Variants in HYAL4 observed in about 807,000 individuals in gnomAD.
The protein encoded by HYAL4 is hyaluronidase 4.
A neutral mutation model predicts 35.2 loss-of-function variants in HYAL4; 37 were observed. That is an observed-to-expected ratio of 1.05 (90% confidence interval 0.81 to 1.38). HYAL4 has a LOEUF of 1.38. Among genes scored for constraint, HYAL4 ranks in the 40% most tolerant of loss-of-function variants. The pLI is 0.00. For missense variants in HYAL4, 572 were observed against 572.4 expected (o/e 1.00, Z 0.01); for synonymous variants, 198 against 203.2 (o/e 0.97, Z 0.22).
chr7:123,871,001 AACCTGGT>A (rs1174650193), intron 3 of HYAL4, among the ~76,000 whole-genome samples: 1 of 152,138 alleles, frequency 6.6e-6, no homozygotes, highest in Non-Finnish European at 1.5e-5. Flanking sequence ...ACATTCTGTG[AACCTGGT>A]ATAAGCTTCT....
At chr7:123,799,488 T>C in the HYAL4 span, among the ~76,000 whole-genome samples, 1 of 151,038 alleles carries the variant, frequency 6.6e-6, no homozygotes, top group Non-Finnish European at 1.5e-5. Flanking sequence ...AAATAAAATT[T>C]ATTTTGAAAT....
chr7:123,800,469 T>C, the HYAL4 span, among the ~76,000 whole-genome samples: 13 of 138,570 alleles, frequency 9.4e-5, no homozygotes, highest in African/African-American at 3.2e-4. Context: ...GTGCCCGGCC[T>C]GAAAATTAAA....
chr7:123,770,398 C>A, the HYAL4 span, among the ~76,000 whole-genome samples: 2 of 149,136 alleles, frequency 1.3e-5, no homozygotes, highest in African/African-American at 5.0e-5. Context: ...GCAGAGATCG[C>A]GCCACTGCAC....
intron 4 of HYAL4, among the ~76,000 whole-genome samples, 183 bp from the exon 5 acceptor site, chr7:123,876,571 T>TTA (rs1807030210): frequency 6.6e-6 from 1 of 152,192 alleles, no homozygotes; most frequent in Non-Finnish European, 1.5e-5. Flanking sequence ...GGGACCCTTG[T>TTA]TATAGTGCCC....
At chr7:123,786,019 G>C in the HYAL4 span, among the ~76,000 whole-genome samples, 8 of 152,100 alleles carry the variant, frequency 5.3e-5, no homozygotes, top group Non-Finnish European at 1.0e-4. Flanking sequence ...TCTCTTTTCT[G>C]AGCGTTCTTG....
rs1806969179 is a variant in HYAL4 at position 123,874,804 on chromosome 7, C to A, written c.998C>A (p.Ala333Asp). ...ATAGGAGAAAGTGCTGCCTTGGGAG[C>A]TGCAGGCATTGTTATTTGGGGAGAC... ...STIGESAALG[A>D]AGIVIWGDMN... The change falls in exon 4 of 5, where the codon GCT becomes GAT. Residue 333 changes from alanine (A) to aspartate (D), a missense_variant. Coordinates refer to ENST00000223026, the MANE Select transcript of HYAL4 (RefSeq NM_012269.3). 6.2e-7 allele frequency: 1 copy of A among 1,610,272 alleles called. No individual in the cohort carries two copies. Among genetic ancestry groups the A allele is most frequent in the African/African-American group, 1.3e-5 (1 of 74,830 alleles).
At chr7:123,848,928 A>G (rs1207984935) in intron 2 of HYAL4, among the ~76,000 whole-genome samples, 1 of 152,186 alleles carries the variant, frequency 6.6e-6, no homozygotes, top group Non-Finnish European at 1.5e-5. Flanking sequence ...TTTAGAGATA[A>G]CAGTCATCTG....
the HYAL4 span, among the ~76,000 whole-genome samples, chr7:123,772,342 G>A: frequency 2.6e-5 from 4 of 152,040 alleles, no homozygotes; most frequent in East Asian, 3.9e-4. Flanking sequence ...CTGGGCAACC[G>A]CAACATCCCG....
the HYAL4 span, among the ~76,000 whole-genome samples, chr7:123,799,385 A>G: frequency 6.6e-6 from 1 of 151,484 alleles, no homozygotes; most frequent in East Asian, 1.9e-4. Context: ...TTTTGAAAAT[A>G]TAATACTATG....
chr7:123,837,734 G>A (rs1414160083), intron 1 of HYAL4, among the ~76,000 whole-genome samples: 3 of 128,340 alleles, frequency 2.3e-5, no homozygotes, highest in Non-Finnish European at 3.1e-5. Context: ...TGTTCTCATT[G>A]TTCAATTCCC....
rs1051104277 is a variant in HYAL4, at chr7:123,869,839, C to CG, written c.954+612_954+613insG. On this transcript the variant is annotated intron_variant, in intron 3 of 4. Coordinates refer to ENST00000223026, the MANE Select transcript of HYAL4 (RefSeq NM_012269.3). ...AGTAGCTGGGTTTACAGGTGCTCACCCCCCCCCACCCAGCTAATTTTTGTA... is the reference window on the plus strand; with the variant it reads ...AGTAGCTGGGTTTACAGGTGCTCACCGCCCCCCCACCCAGCTAATTTTTGTA... Among the ~76,000 whole-genome samples the CG allele has an allele frequency of 2.7e-4, 39 of 143,860 alleles. 1 individual carries two copies. Among genetic ancestry groups the CG allele is most frequent in the African/African-American group, 9.5e-4 (37 of 38,942 alleles). The allele number at this position is 143,860 out of a possible 152,430, so 94.4% of individuals were successfully genotyped here. A position where few individuals can be genotyped will look rare whatever the true frequency, so the allele number is the denominator to read the frequency against.
chr7:123,800,496 T>A, the HYAL4 span, among the ~76,000 whole-genome samples: 4 of 146,932 alleles, frequency 2.7e-5, no homozygotes, highest in Non-Finnish European at 4.5e-5. Context: ...AAAAAAAAAA[T>A]TAAAAAAAAA....
intron 2 of HYAL4, 129 bp from the exon 3 acceptor site, chr7:123,868,094 T>C (rs1296085514): frequency 2.5e-6 from 1 of 395,180 alleles, no homozygotes; most frequent in African/African-American, 2.1e-5. Flanking sequence ...TCTCAATTTA[T>C]TTATAGGCCT....
upstream of HYAL4, among the ~76,000 whole-genome samples, chr7:123,826,473 C>T (rs1432235596): frequency 6.6e-6 from 1 of 151,962 alleles, no homozygotes; most frequent in African/African-American, 2.4e-5. Context: ...TTGGATTGCC[C>T]GGTAAACAAA....
chr7:123,807,398 A>T, the HYAL4 span, among the ~76,000 whole-genome samples: 16,907 of 148,364 alleles, frequency 0.11, 1,086 homozygotes, highest in Non-Finnish European at 0.14. Context: ...CTTTTAAAAA[A>T]TTTTTTGACT....
intron 2 of HYAL4, among the ~76,000 whole-genome samples, chr7:123,857,701 C>G (rs34242866): frequency 0.12 from 17,753 of 147,366 alleles, 1,247 homozygotes; most frequent in Non-Finnish European, 0.15. Flanking sequence ...TTCTTTCTTT[C>G]TTTCTTTCTT....
chr7:123,773,759 C>T, the HYAL4 span, among the ~76,000 whole-genome samples: 71 of 152,198 alleles, frequency 4.7e-4, no homozygotes, highest in Middle Eastern at 3.2e-3. Context: ...CAAACAATAT[C>T]TCAATCTAGA....
chr7:123,808,089 C>G, the HYAL4 span, among the ~76,000 whole-genome samples: 2 of 151,778 alleles, frequency 1.3e-5, no homozygotes, highest in African/African-American at 4.8e-5. Flanking sequence ...AGGGCTCAAG[C>G]TTTCGTGCAA....
chr7:123,850,814 G>T (rs1198001182), intron 2 of HYAL4, among the ~76,000 whole-genome samples: 1 of 152,190 alleles, frequency 6.6e-6, no homozygotes, highest in Admixed American at 6.5e-5. Flanking sequence ...TTTGTCAAGA[G>T]AATTCCAGAA....
Sources: allele counts gnomAD v4.1 joint callset (sites outside exome capture counted in the v4.1 genomes callset), GRCh38; gene constraint gnomAD v4.1.1; transcripts MANE v1.5; gene names NCBI Gene and HGNC (gene_info 2026-07-23, HGNC 2026-07-21).